Variants in CCNH observed in about 807,000 individuals in gnomAD.
CCNH encodes the protein cyclin H, also known as cyclin-H.
Under a neutral mutation model 41.9 loss-of-function variants are expected in CCNH, and 31 were observed. The ratio of observed to expected loss-of-function variants is 0.74; its 90% CI spans 0.56 to 1.00. CCNH has a LOEUF of 1.00. Ranked by LOEUF, CCNH falls within the 50% of genes least tolerant of loss-of-function variation. The probability of loss-of-function intolerance (pLI) is 0.00; values close to 1 mark genes in which losing one functional copy is unlikely to be tolerated. For missense variants in CCNH, 362 were observed against 388.4 expected, an observed-to-expected ratio of 0.93 and a Z score of 0.57; for synonymous variants, 138 against 136.1, an observed-to-expected ratio of 1.01 and a Z score of -0.10.
At chr5:87,318,152 A>G (rs891211679), downstream of CCNH, among the ~76,000 whole-genome samples, 1 of 152,198 alleles carries the variant, frequency 6.6e-6, no homozygotes, top group Non-Finnish European at 1.5e-5. Context: ...TCCAGAGAAC[A>G]GTTCTACCTG....
intron 1 of CCNH, chr5:87,412,287 C>T: frequency 2.3e-6 from 1 of 431,166 alleles, no homozygotes; most frequent in South Asian, 5.9e-5. Flanking sequence ...TAACTTCTGA[C>T]CTCCCTCCCA....
At chr5:87,338,846 C>T (rs1001421326) in intron 9 of CCNH, among the ~76,000 whole-genome samples, 1 of 151,904 alleles carries the variant, frequency 6.6e-6, no homozygotes, top group African/African-American at 2.4e-5. Context: ...TTATATTATA[C>T]ATATATTATC....
chr5:87,368,283 T>C (rs928146835), intron 9 of CCNH, among the ~76,000 whole-genome samples: 1 of 152,164 alleles, frequency 6.6e-6, no homozygotes, highest in African/African-American at 2.4e-5. Context: ...TTTTATTACA[T>C]TTTTTTCAAT....
chr5:87,399,064 A>G (rs1269971485), intron 7 of CCNH, among the ~76,000 whole-genome samples: 4 of 152,174 alleles, frequency 2.6e-5, no homozygotes, highest in Non-Finnish European at 5.9e-5. Context: ...ACCAGATATC[A>G]CAACTTCAAA....
intron 5 of CCNH, among the ~76,000 whole-genome samples, chr5:87,403,493 G>A (rs1763565282): frequency 6.6e-6 from 1 of 152,120 alleles, no homozygotes; most frequent in African/African-American, 2.4e-5. Context: ...AATGAAGTCT[G>A]CAGGCCAGGT....
chr5:87,393,110 G>A (rs932766144), downstream of CCNH, among the ~76,000 whole-genome samples: 3 of 151,402 alleles, frequency 2.0e-5, no homozygotes, highest in African/African-American at 7.3e-5. Context: ...AGCCTACAGT[G>A]TAAAGAATTA....
intron 9 of CCNH, among the ~76,000 whole-genome samples, chr5:87,332,350 C>T (rs1276586574): frequency 6.6e-6 from 1 of 151,922 alleles, no homozygotes; most frequent in Middle Eastern, 3.2e-3. Flanking sequence ...AAGTAATTTA[C>T]TGTGATGAAG....
At chr5:87,363,268 T>G (rs1271545919) in intron 9 of CCNH, 2 of 1,288,942 alleles carry the variant, frequency 1.6e-6, no homozygotes, top group African/African-American at 3.0e-5. Flanking sequence ...TGATTCATAT[T>G]TTTAGAAACA....
At chr5:87,373,168 G>C (rs890101246), downstream of CCNH, among the ~76,000 whole-genome samples, 1 of 152,156 alleles carries the variant, frequency 6.6e-6, no homozygotes, top group African/African-American at 2.4e-5. Context: ...TCAGTGGGCA[G>C]TGTGATTTAG....
At chr5:87,378,212 G>A (rs1305853641), upstream of CCNH, among the ~76,000 whole-genome samples, 2 of 152,162 alleles carry the variant, frequency 1.3e-5, no homozygotes, top group African/African-American at 4.8e-5. Flanking sequence ...ACATATGAAA[G>A]TCTTACAGAG....
At chr5:87,349,649 TAGG>T (rs1759115655) in intron 9 of CCNH, among the ~76,000 whole-genome samples, 1 of 151,878 alleles carries the variant, frequency 6.6e-6, no homozygotes, top group African/African-American at 2.4e-5. Context: ...GTGTTATCTG[TAGG>T]AGGAGCAAAA....
In CCNH at chr5:87,400,332, TTC is replaced by T. The variant is rs767289624; in HGVS notation, c.761-829_761-828del. Among the ~76,000 whole-genome samples, 48 of 152,354 alleles carry T rather than the reference TTC, an allele frequency of 3.2e-4. No individual in the cohort carries two copies. The Middle Eastern group carries it at 0.017, about 54-fold the overall frequency. ...TACAAATATCTTAGTAGCATTAAAC[TTC>T]TGAGTGTTTTATGAAGAGCTGTTTT... On this transcript the variant is annotated intron_variant, in intron 6 of 8. Transcript: ENST00000256897.
At chr5:87,404,722 A>T (rs1431736488) in intron 5 of CCNH, 122 bp downstream of exon 5, 1 of 754,018 alleles carries the variant, frequency 1.3e-6, no homozygotes, top group African/African-American at 1.8e-5. Flanking sequence ...AGGCAATTTC[A>T]TTTCTTCTTC....
chr5:87,334,772 C>G (rs764392742), intron 9 of CCNH, among the ~76,000 whole-genome samples: 1 of 152,170 alleles, frequency 6.6e-6, no homozygotes, highest in Non-Finnish European at 1.5e-5. Flanking sequence ...CAACCTGTGA[C>G]TACACAACTT....
chr5:87,331,563 T>C, intron 9 of CCNH: 3 of 1,538,586 alleles, frequency 1.9e-6, no homozygotes, highest in Non-Finnish European at 2.7e-6. Flanking sequence ...TATTCATAAA[T>C]ATACCTGTAT....
In CCNH at chr5:87,402,773, C is replaced by T. The variant is rs939140102; in HGVS notation, c.690-1001G>A. On this transcript the variant is annotated intron_variant, in intron 5 of 8. Transcript: ENST00000256897. Reference sequence around the variant, plus strand: ...TTCAAAATAACTAGTTTTTTCCTTTCCCTCTCCTACCTAAAATTCCTCCCA... The same window carrying T: ...TTCAAAATAACTAGTTTTTTCCTTTTCCTCTCCTACCTAAAATTCCTCCCA... Among the ~76,000 whole-genome samples, 5 of 152,068 alleles carry T rather than the reference C, an allele frequency of 3.3e-5. No individual in the cohort carries two copies. In the South Asian group the frequency reaches 1.0e-3, roughly 32 times the overall value.
chr5:87,312,456 A>G, the CCNH span, among the ~76,000 whole-genome samples: 1 of 152,202 alleles, frequency 6.6e-6, no homozygotes, highest in Non-Finnish European at 1.5e-5. Context: ...ATTAATTTCT[A>G]AACATTTAAG....
In CCNH at chr5:87,408,080, C is replaced by T; in HGVS notation, c.421G>A (p.Glu141Lys). 6.2e-7 allele frequency: 1 copy of T among 1,613,144 alleles called. No homozygotes were observed. The highest frequency in any genetic ancestry group is 8.5e-7 in the Non-Finnish European group (1 of 1,179,208). ...ESPLGQEKAL[E>K]QILEYELLLI... Reference sequence around the variant, plus strand: ...AGTAGTTCATATTCCAGTATCTGTTCAAGTGCCTTCTCCTGTCCAAGAGGA... The same window carrying T: ...AGTAGTTCATATTCCAGTATCTGTTTAAGTGCCTTCTCCTGTCCAAGAGGA... The change falls in exon 4 of 9, where the codon GAA (glutamate) becomes AAA (lysine). Residue 141 changes from glutamate to lysine, a missense_variant. Glu to Lys is a moderately conservative substitution (Grantham distance 56). Transcript: ENST00000256897.
rs548748922 is a variant in CCNH, at chr5:87,411,815, T to C, written c.118-469A>G. 1.4e-4 allele frequency among the ~76,000 whole-genome samples: 22 copies of C among 152,330 alleles called. 1 individual carries two copies. Among genetic ancestry groups the C allele is most frequent in the African/African-American group, 4.8e-4 (20 of 41,578 alleles). ...GTGGTGATTTTTTTAAGGCAGCCCT[T>C]AGGAAACTAATTCAGGTGCTAAAAT... On this transcript the variant is annotated intron_variant, in intron 1 of 8. Transcript: ENST00000256897.
Sources: gnomAD v4.1 joint callset for allele counts (sites outside exome capture counted in the v4.1 genomes callset) on GRCh38, gnomAD v4.1.1 for gene constraint, MANE v1.5 for transcripts, NCBI Gene and HGNC (gene_info 2026-07-23, HGNC 2026-07-21) for gene names.